The following DHX8 variants were observed in gnomAD, a reference collection of about 807,000 sequenced individuals.
DHX8 encodes the protein ATP-dependent RNA helicase DHX8.
DHX8 carries 67 observed loss-of-function variants against 140.7 expected under a neutral mutation model. The ratio of observed to expected loss-of-function variants is 0.48; its 90% CI spans 0.39 to 0.58. DHX8 has a LOEUF of 0.58. Among genes scored for constraint, DHX8 ranks in the 20% least tolerant of loss-of-function variants. The pLI is 0.00. For missense variants in DHX8, 887 were observed against 1,550.7 expected (o/e 0.57, Z 7.19); for synonymous variants, 533 against 553.2 (o/e 0.96, Z 0.51).
intron 3 of DHX8, among the ~76,000 whole-genome samples, chr17:43,540,785 C>T (rs1425850857): frequency 1.3e-5 from 2 of 152,162 alleles, no homozygotes; most frequent in Non-Finnish European, 2.9e-5. Flanking sequence ...GCAACATCCC[C>T]CAAGGTGGCA....
Position 43,498,858 on chromosome 17 carries a change from T to A in DHX8, c.1301-4T>A. On this transcript the variant is annotated splice_region_variant and splice_polypyrimidine_tract_variant and intron_variant, in intron 9 of 22. Coordinates refer to ENST00000262415, the MANE Select transcript of DHX8 (RefSeq NM_004941.3). ...GCTAATTCTTCTTTTGGGGGGACTT[T>A]TAGATGAGGACCTTGAGATTGAATT... 1 of 1,591,990 alleles carries A rather than the reference T, an allele frequency of 6.3e-7. No individual in the cohort carries two copies. The highest frequency in any genetic ancestry group is 8.5e-7 in the Non-Finnish European group (1 of 1,172,166).
chr17:43,491,591 T>A (rs1243134184), intron 4 of DHX8, among the ~76,000 whole-genome samples: 1 of 152,178 alleles, frequency 6.6e-6, no homozygotes, highest in East Asian at 1.9e-4. Flanking sequence ...ATTTTTAAAT[T>A]TCATTTTAAT....
chr17:43,514,008 C>T (rs919101695), intron 17 of DHX8, among the ~76,000 whole-genome samples: 9 of 151,850 alleles, frequency 5.9e-5, no homozygotes, highest in Admixed American at 2.0e-4. Flanking sequence ...CCACCACGCC[C>T]GGCCCTTTTT....
chr17:43,503,484 C>G (rs1265492349), intron 11 of DHX8, among the ~76,000 whole-genome samples: 1 of 148,220 alleles, frequency 6.7e-6, no homozygotes, highest in Admixed American at 6.7e-5. Flanking sequence ...ACAACAATTG[C>G]GAAACTCCAT....
intron 11 of DHX8, among the ~76,000 whole-genome samples, chr17:43,503,445 C>T (rs1463812749): frequency 1.3e-5 from 2 of 151,400 alleles, no homozygotes; most frequent in African/African-American, 4.9e-5. Context: ...TGCAGTGAGC[C>T]GAGATCACGC....
chr17:43,499,469 C>T (rs1177596165), intron 10 of DHX8, among the ~76,000 whole-genome samples: 1 of 152,190 alleles, frequency 6.6e-6, no homozygotes, highest in Non-Finnish European at 1.5e-5. Context: ...TATCATTCTT[C>T]TGCGGTGTTC....
intron 8 of DHX8, among the ~76,000 whole-genome samples, 194 bp from the exon 9 acceptor site, chr17:43,495,987 A>T (rs1437983100): frequency 3.3e-5 from 5 of 152,102 alleles, no homozygotes; most frequent in Admixed American, 3.3e-4. Flanking sequence ...AGTGTCAGCT[A>T]TTCAGGAGGC....
chr17:43,484,676 C>G (rs562024843), intron 1 of DHX8, among the ~76,000 whole-genome samples: 81 of 152,306 alleles, frequency 5.3e-4, no homozygotes, highest in African/African-American at 1.9e-3. Flanking sequence ...GGGCCTCGCT[C>G]TGTTTCCCGG....
downstream of DHX8, chr17:43,529,036 C>T: frequency 8.9e-7 from 1 of 1,127,050 alleles, no homozygotes; most frequent in Non-Finnish European, 1.3e-6. Flanking sequence ...TTATCTGATC[C>T]TACAAAGTTG....
intron 2 of DHX8, among the ~76,000 whole-genome samples, chr17:43,532,472 C>T: frequency 6.6e-6 from 1 of 151,566 alleles, no homozygotes; most frequent in African/African-American, 2.4e-5. Flanking sequence ...GCACTCTAGC[C>T]TGGGCCAGAG....
chr17:43,537,629 G>A (rs968494818), intron 3 of DHX8, among the ~76,000 whole-genome samples: 12 of 152,238 alleles, frequency 7.9e-5, no homozygotes, highest in African/African-American at 2.4e-4. Context: ...CCAGGAGGCA[G>A]AGGTTGCAGT....
At chr17:43,484,603 A>T (rs1968017428) in intron 1 of DHX8, among the ~76,000 whole-genome samples, 1 of 152,142 alleles carries the variant, frequency 6.6e-6, no homozygotes. Context: ...GTGACATAGT[A>T]GTTAGCGTCT....
rs888736657 is a variant in DHX8 at position 43,543,296 on chromosome 17, T to TCTCTCTCTCTCTCTCTCTCTCTCA, written c.*21-865_*21-864insTCTCTCTCTCTCTCTCTCTCTCAC. 2.3e-3 allele frequency among the ~76,000 whole-genome samples: 331 copies of TCTCTCTCTCTCTCTCTCTCTCTCA among 143,420 alleles called. 1 individual carries two copies. The highest frequency in any genetic ancestry group is 3.1e-3 in the East Asian group (15 of 4,796). The allele number at this position is 143,420 out of a possible 152,430, so 94.1% of individuals were successfully genotyped here. ...CACACACTCTCTCTCTCTCTCTCTC[T>TCTCTCTCTCTCTCTCTCTCTCTCA]CACACACACACTTGCTGTCACACCG... On this transcript the variant is annotated intron_variant, in intron 3 of 3. Transcript: ENST00000589898.
chr17:43,530,549 C>T, downstream of DHX8: 1 of 699,100 alleles, frequency 1.4e-6, no homozygotes, highest in South Asian at 2.5e-5. Context: ...CCTAAGACTC[C>T]CTCAGAATGG....
At chr17:43,515,273 C>A (rs1468867765) in intron 17 of DHX8, among the ~76,000 whole-genome samples, 1 of 152,182 alleles carries the variant, frequency 6.6e-6, no homozygotes, top group African/African-American at 2.4e-5. Flanking sequence ...ACTGCAACCT[C>A]GGCCTCCTGG....
At chr17:43,521,846 T>C (rs1970387862) in intron 21 of DHX8, among the ~76,000 whole-genome samples, 1 of 152,206 alleles carries the variant, frequency 6.6e-6, no homozygotes, top group Non-Finnish European at 1.5e-5. Flanking sequence ...TGGAATTGAA[T>C]ACCTGTCTAA....
At chr17:43,532,016 T>A (rs946816952) in intron 2 of DHX8, among the ~76,000 whole-genome samples, 2 of 152,228 alleles carry the variant, frequency 1.3e-5, no homozygotes, top group African/African-American at 4.8e-5. Flanking sequence ...ACATCCCCCT[T>A]TATTTTAATT....
At chr17:43,521,587 C>T in intron 21 of DHX8, 22 bp downstream of exon 21, 2 of 1,598,950 alleles carry the variant, frequency 1.3e-6, no homozygotes, top group South Asian at 2.2e-5. Context: ...TCTGATGACT[C>T]TGCATGTTTG....
rs1262412864 is a variant in DHX8, at chr17:43,524,070, C to T, written c.*223C>T. 1.6e-5 allele frequency: 22 copies of T among 1,397,420 alleles called. No homozygotes were observed. The highest frequency in any genetic ancestry group is 2.0e-5 in the Non-Finnish European group (21 of 1,076,556). The allele number at this position is 1,397,420 out of a possible 1,614,324, so 86.6% of individuals were successfully genotyped here. A position where few individuals can be genotyped will look rare whatever the true frequency, so the allele number is the denominator to read the frequency against. ...CTCCATCACCCCAAGTCCTTGGGCCCAGTTGGGAGCTCATATCTAACACAG... is the reference window on the plus strand; with the variant it reads ...CTCCATCACCCCAAGTCCTTGGGCCTAGTTGGGAGCTCATATCTAACACAG... On this transcript the variant is annotated 3_prime_UTR_variant, in exon 23 of 23. Transcript: ENST00000262415.
Sources: allele counts gnomAD v4.1 joint callset (sites outside exome capture counted in the v4.1 genomes callset), GRCh38; gene constraint gnomAD v4.1.1; transcripts MANE v1.5; gene names NCBI Gene and HGNC (gene_info 2026-07-23, HGNC 2026-07-21).